Variants in TTC7A observed in about 807,000 individuals in gnomAD.
The protein encoded by TTC7A is tetratricopeptide repeat domain 7A.
A neutral mutation model predicts 103.7 loss-of-function variants in TTC7A; 110 were observed. The ratio of observed to expected loss-of-function variants is 1.06; its 90% CI spans 0.91 to 1.24. TTC7A has a LOEUF of 1.24. Among genes scored for constraint, TTC7A ranks in the 50% most tolerant of loss-of-function variants. The pLI is 0.00. For missense variants in TTC7A, 1,340 were observed against 1,116.3 expected, an observed-to-expected ratio of 1.20 and a Z score of -2.86; for synonymous variants, 521 against 467.9, an observed-to-expected ratio of 1.11 and a Z score of -1.47.
chr2:46,971,283 G>A (rs1180086736), intron 3 of TTC7A, among the ~76,000 whole-genome samples: 1 of 152,242 alleles, frequency 6.6e-6, no homozygotes, highest in Admixed American at 6.5e-5. Context: ...GGAATATCGG[G>A]AAGGGCTTTG....
At chr2:46,974,729 C>G in intron 3 of TTC7A, 1 of 593,710 alleles carries the variant, frequency 1.7e-6, no homozygotes, top group South Asian at 1.5e-5. Context: ...GGAGTGGCTT[C>G]CCCGGGTAGT....
chr2:47,022,115 A>T, intron 12 of TTC7A, 136 bp downstream of exon 12: 1 of 621,030 alleles, frequency 1.6e-6, no homozygotes, highest in South Asian at 2.0e-5. Flanking sequence ...TCTGGGAGAG[A>T]TGCCCATGTG....
chr2:47,065,115 A>G lies in TTC7A; in HGVS notation c.2355+4144A>G, dbSNP rs542613894. Among the ~76,000 whole-genome samples the G allele has an allele frequency of 6.9e-3, 1,057 of 152,164 alleles. 19 individuals carry two copies. Among genetic ancestry groups the G allele is most frequent in the African/African-American group, 0.024 (1,010 of 41,524 alleles). On this transcript the variant is annotated intron_variant, in intron 19 of 19. Transcript: ENST00000319190. ...ATCCTGGCTAACACGGTGAAACCCC[A>G]TCTCTACTAAAAATACAAAAAATTA...
At position 46,941,309 on chromosome 2, in the gene TTC7A, C is replaced by A. The variant is rs1179090284; in HGVS notation, c.-233C>A. On this transcript the variant is annotated 5_prime_UTR_variant, in exon 1 of 20. Coordinates refer to ENST00000319190, the MANE Select transcript of TTC7A (RefSeq NM_020458.4). The surrounding 1 kb of genome is among the most constrained non-coding windows in gnomAD (Gnocchi z 4.2). ...GAGGTTGCTCCTGTACGCGTACGGG[C>A]CGCTCGGCCGGAGCCGCAGCCCGGA... 1.6e-5 allele frequency: 3 copies of A among 192,946 alleles called. No homozygotes were observed. Among genetic ancestry groups the A allele is most frequent in the Non-Finnish European group, 3.0e-5 (3 of 99,638 alleles). The allele number at this position is 192,946 out of a possible 1,614,324, so 12.0% of individuals were successfully genotyped here. A position where few individuals can be genotyped will look rare whatever the true frequency, so the allele number is the denominator to read the frequency against.
chr2:46,947,612 T>C (rs185063742), intron 1 of TTC7A, among the ~76,000 whole-genome samples: 115 of 152,150 alleles, frequency 7.6e-4, no homozygotes, highest in African/African-American at 1.6e-3. Flanking sequence ...AGCTACTCAG[T>C]AGGCTGAGGC....
intron 11 of TTC7A, among the ~76,000 whole-genome samples, chr2:47,016,356 T>C (rs988829798): frequency 5.3e-5 from 8 of 152,364 alleles, no homozygotes; most frequent in African/African-American, 1.9e-4. Flanking sequence ...GTTCTGCTAC[T>C]TCCTAGACAG....
upstream of TTC7A, among the ~76,000 whole-genome samples, chr2:46,939,010 CA>C (rs1190579295): frequency 0.12 from 9,260 of 76,928 alleles, 475 homozygotes; most frequent in African/African-American, 0.25. Context: ...GACTCTGTCT[CA>C]AAAAAAAAAA....
intron 2 of TTC7A, 144 bp downstream of exon 2, chr2:46,950,670 G>A: frequency 7.4e-6 from 6 of 814,250 alleles, no homozygotes; most frequent in Middle Eastern, 3.5e-4. Flanking sequence ...GCCACTGGCT[G>A]CACATGGCCC....
intron 8 of TTC7A, chr2:46,999,802 T>C: frequency 1.0e-6 from 1 of 985,478 alleles, no homozygotes; most frequent in Non-Finnish European, 1.2e-6. Flanking sequence ...AACTGAACCC[T>C]TGGATCCCTG....
intron 15 of TTC7A, among the ~76,000 whole-genome samples, chr2:47,042,892 A>T (rs1681914251): frequency 6.6e-6 from 1 of 152,172 alleles, no homozygotes; most frequent in Non-Finnish European, 1.5e-5. Context: ...CAGGTAAGCA[A>T]GGGGAAGGGG....
chr2:47,070,267 G>A (rs550026472), intron 19 of TTC7A, among the ~76,000 whole-genome samples: 1 of 152,256 alleles, frequency 6.6e-6, no homozygotes, highest in African/African-American at 2.4e-5. Context: ...GGGTCCCACA[G>A]GGAGGCTCCC....
At chr2:47,067,926 T>A (rs17036208) in intron 19 of TTC7A, 26,070 of 152,166 alleles carry the variant, frequency 0.17, 3,465 homozygotes, top group East Asian at 0.64. Context: ...CTCCGTCCTC[T>A]CTGAGTCCAC....
intron 5 of TTC7A, among the ~76,000 whole-genome samples, chr2:46,993,025 C>A (rs1313682170): frequency 6.6e-6 from 1 of 152,206 alleles, no homozygotes; most frequent in Non-Finnish European, 1.5e-5. Flanking sequence ...AGCCTGGGGC[C>A]ATGGTACTGG....
chr2:46,995,308 G>A (rs1220035896), intron 8 of TTC7A, 109 bp downstream of exon 8: 1 of 1,057,462 alleles, frequency 9.5e-7, no homozygotes, highest in Non-Finnish European at 1.4e-6. Flanking sequence ...CTGTCTCCCA[G>A]GGATACTCCT....
chr2:46,918,080 C>T (rs1668907930), intron 2 of TTC7A, among the ~76,000 whole-genome samples: 1 of 152,176 alleles, frequency 6.6e-6, no homozygotes, highest in African/African-American at 2.4e-5. Flanking sequence ...TGTGTAATTC[C>T]TGGCTCCTGT....
intron 15 of TTC7A, among the ~76,000 whole-genome samples, chr2:47,037,841 A>T (rs1681277611): frequency 6.6e-6 from 1 of 152,178 alleles, no homozygotes. Context: ...GTTTGGGCAA[A>T]CATGTATTGA....
At chr2:47,017,451 C>T (rs4952860) in intron 11 of TTC7A, among the ~76,000 whole-genome samples, 73,844 of 151,516 alleles carry the variant, frequency 0.49, 18,322 homozygotes, top group East Asian at 0.77. Context: ...GTGGGAGGAT[C>T]GCTTGAGCCC....
chr2:47,009,912 G>GGGT, intron 10 of TTC7A, among the ~76,000 whole-genome samples: 1 of 142,040 alleles, frequency 7.0e-6, no homozygotes, highest in South Asian at 2.3e-4. Flanking sequence ...TTGGTGGTGG[G>GGGT]GGGGACAGGG....
chr2:47,062,137 G>A (rs140290979), intron 19 of TTC7A, among the ~76,000 whole-genome samples: 2 of 152,326 alleles, frequency 1.3e-5, no homozygotes, highest in Non-Finnish European at 2.9e-5. Context: ...CAGGGAAAAC[G>A]TTATAACTCC....
Sources: gnomAD v4.1 joint callset for allele counts (sites outside exome capture counted in the v4.1 genomes callset) on GRCh38, gnomAD v4.1.1 for gene constraint, Gnocchi (gnomAD v3.1) non-coding constraint, MANE v1.5 for transcripts, NCBI Gene and HGNC (gene_info 2026-07-23, HGNC 2026-07-21) for gene names.